Variants in KDM4B observed in about 807,000 individuals in gnomAD.
KDM4B encodes lysine-specific demethylase 4B.
In KDM4B, 32 loss-of-function variants were observed where a neutral mutation model predicts 125.2. The ratio of observed to expected loss-of-function variants is 0.26; its 90% CI spans 0.19 to 0.34. The LOEUF is 0.34. KDM4B is among the 10% of genes least tolerant of loss of function. KDM4B has a pLI of 1.00. For synonymous variants in KDM4B, 721 were observed against 677.9 expected, an observed-to-expected ratio of 1.06 and a Z score of -0.99; for missense variants, 1,190 against 1,577.7, an observed-to-expected ratio of 0.75 and a Z score of 4.16.
At chr19:5,144,711 G>A (rs544660200) in intron 20 of KDM4B, 72 bp from the exon 21 acceptor site, 11 of 1,583,696 alleles carry the variant, frequency 6.9e-6, no homozygotes, top group African/African-American at 2.7e-5. Flanking sequence ...AGCGCGGAGA[G>A]GGTCTAAAAC....
chr19:5,077,540 A>C, intron 8 of KDM4B, 70 bp downstream of exon 8: 1 of 1,284,102 alleles, frequency 7.8e-7, no homozygotes, highest in South Asian at 1.2e-5. Context: ...GTGGCCGCAC[A>C]TACCCCAGGA....
intron 18 of KDM4B, among the ~76,000 whole-genome samples, chr19:5,139,874 C>T (rs992239748): frequency 2.6e-5 from 4 of 152,236 alleles, no homozygotes; most frequent in Non-Finnish European, 4.4e-5. Flanking sequence ...GGGGCCTCAT[C>T]GTGGGGGCTT....
chr19:5,086,772 C>T (rs1171599491), intron 9 of KDM4B, among the ~76,000 whole-genome samples: 2 of 152,244 alleles, frequency 1.3e-5, no homozygotes. Context: ...CCTGCAGCAG[C>T]TACAGCCGTG....
chr19:4,977,703 C>T (rs1328687407), intron 1 of KDM4B, among the ~76,000 whole-genome samples: 1 of 152,178 alleles, frequency 6.6e-6, no homozygotes, highest in Non-Finnish European at 1.5e-5. Flanking sequence ...CTGAAACTAC[C>T]CACGGGTGCT....
At chr19:5,053,047 A>C (rs2037282434) in intron 6 of KDM4B, among the ~76,000 whole-genome samples, 2 of 152,228 alleles carry the variant, frequency 1.3e-5, no homozygotes, top group South Asian at 2.1e-4. Context: ...GTGTCCCGAC[A>C]GGGGTGGCGT....
rs1382582851 is a variant in KDM4B, at chr19:5,032,871, C to T, written c.-20C>T. The T allele has an allele frequency of 1.2e-6, 2 of 1,613,154 alleles. No individual in the cohort carries two copies. Among genetic ancestry groups the T allele is most frequent in the Middle Eastern group, 1.7e-4 (1 of 6,052 alleles). ...TCTCTCGTCTTCCTCCACAGGTGTG[C>T]TTCCCGCACAGCTGCAGCCATGGGG... On this transcript the variant is annotated 5_prime_UTR_variant, in exon 3 of 23. Coordinates refer to ENST00000159111, the MANE Select transcript of KDM4B (RefSeq NM_015015.3).
At chr19:5,079,588 C>T (rs1285014124) in intron 8 of KDM4B, among the ~76,000 whole-genome samples, 1 of 152,174 alleles carries the variant, frequency 6.6e-6, no homozygotes, top group Non-Finnish European at 1.5e-5. Flanking sequence ...TGATGTCTGC[C>T]TGACGCATGC....
chr19:5,040,045 G>GC (rs1208461183), intron 4 of KDM4B, 34 bp downstream of exon 4: 1 of 1,575,300 alleles, frequency 6.3e-7, no homozygotes. Context: ...CCTGACCCCC[G>GC]CCCCCGGGGG....
At chr19:5,144,224 C>T (rs1280319784) in intron 19 of KDM4B, 24 bp from the exon 20 acceptor site, 1 of 1,592,460 alleles carries the variant, frequency 6.3e-7, no homozygotes, top group Non-Finnish European at 8.5e-7. Flanking sequence ...CTGACCGCCC[C>T]CCACACCCTC....
At chr19:5,084,023 G>C (rs2038388869) in intron 9 of KDM4B, among the ~76,000 whole-genome samples, 1 of 152,092 alleles carries the variant, frequency 6.6e-6, no homozygotes, top group African/African-American at 2.4e-5. Flanking sequence ...GAGGTGGGCG[G>C]ATCATTTGAG....
intron 12 of KDM4B, 50 bp from the exon 13 acceptor site, chr19:5,131,837 A>T: frequency 1.2e-6 from 2 of 1,611,678 alleles, no homozygotes; most frequent in Non-Finnish European, 1.7e-6. Context: ...AGGGAGCCCC[A>T]CCCAGGGGTC....
intron 1 of KDM4B, among the ~76,000 whole-genome samples, chr19:5,012,141 C>T (rs76385221): frequency 8.0e-4 from 122 of 152,238 alleles, no homozygotes; most frequent in African/African-American, 2.7e-3. Flanking sequence ...GCCTAGAAGC[C>T]GCAGCAGGGT....
In KDM4B at chr19:4,997,818, G is replaced by A. The variant is rs1412424461; in HGVS notation, c.-108-18439G>A. ...AGGCCGCAGGCCCCAGAAAGACGGT[G>A]ACACTCCAGGAGGTTGCTAGACCTG... On this transcript the variant is annotated intron_variant, in intron 1 of 22. Coordinates refer to ENST00000159111, the MANE Select transcript of KDM4B (RefSeq NM_015015.3). This position sits in a 1 kb window ranked among gnomAD's most constrained non-coding sequence, Gnocchi z 4.2. Among the ~76,000 whole-genome samples the A allele has an allele frequency of 6.6e-6, 1 of 152,252 alleles. No individual in the cohort carries two copies. Among genetic ancestry groups the A allele is most frequent in the Non-Finnish European group, 1.5e-5 (1 of 68,052 alleles).
rs984277248 is a variant in KDM4B at position 5,152,575 on chromosome 19, C to G, written c.*1064C>G. The G allele has an allele frequency of 1.3e-5, 2 of 152,284 alleles. No individual in the cohort carries two copies. The highest frequency in any genetic ancestry group is 4.8e-5 in the African/African-American group (2 of 41,460). 9.4% of individuals were successfully genotyped at this position (152,284 alleles called of 1,614,324 possible). ...CCTTCGGGGCCCCTTTCGCCTGCTT[C>G]CGGGCAGGGACGAGGCCTGGTGTCC... On this transcript the variant is annotated 3_prime_UTR_variant, in exon 23 of 23. Transcript: ENST00000159111.
rs375433179 is a variant in KDM4B, at chr19:5,040,526, T to C, written c.317+515T>C. The stretch of plus-strand genomic sequence containing the variant: ...GCTCATGCACAGGTACACAGGCACA[T>C]CCATGTGGGCACACCTATGGGCGCC... On this transcript the variant is annotated intron_variant, in intron 4 of 22. Transcript: ENST00000159111. Among the ~76,000 whole-genome samples the C allele has an allele frequency of 1.5e-3, 228 of 152,186 alleles. 8 individuals are homozygous for C. In the South Asian group the frequency reaches 0.045, roughly 30 times the overall value.
At chr19:5,068,714 G>A (rs559195070) in intron 6 of KDM4B, among the ~76,000 whole-genome samples, 3 of 152,360 alleles carry the variant, frequency 2.0e-5, no homozygotes, top group Non-Finnish European at 2.9e-5. Context: ...AGAAGTCTCC[G>A]TGGCTGCCCG....
chr19:4,987,644 G>A (rs1035747508), intron 1 of KDM4B, among the ~76,000 whole-genome samples: 2 of 152,072 alleles, frequency 1.3e-5, no homozygotes, highest in East Asian at 3.9e-4. Context: ...TAGAATGAGG[G>A]GCTTGTCCGG....
chr19:5,073,572 A>G (rs1758279599), intron 7 of KDM4B, among the ~76,000 whole-genome samples: 1 of 152,196 alleles, frequency 6.6e-6, no homozygotes. Context: ...TGACTTTTGC[A>G]TTAGAAAAGC....
chr19:5,103,471 G>C (rs1249108733), intron 9 of KDM4B, among the ~76,000 whole-genome samples: 1 of 152,132 alleles, frequency 6.6e-6, no homozygotes, highest in East Asian at 1.9e-4. Flanking sequence ...CAAGAATATC[G>C]GGCTGTCGGA....
Sources: gnomAD v4.1 joint callset for allele counts (sites outside exome capture counted in the v4.1 genomes callset) on GRCh38, gnomAD v4.1.1 for gene constraint, Gnocchi (gnomAD v3.1) non-coding constraint, MANE v1.5 for transcripts, NCBI Gene and HGNC (gene_info 2026-07-23, HGNC 2026-07-21) for gene names.